ADAM10: variants seen among roughly 807,000 people sequenced by gnomAD.
ADAM10 encodes the protein disintegrin and metalloproteinase domain-containing protein 10.
In ADAM10, 17 loss-of-function variants were observed where a neutral mutation model predicts 90.1. That is an observed-to-expected ratio of 0.19 (90% CI 0.13 to 0.28). ADAM10 has a LOEUF of 0.28. Ranked by LOEUF, ADAM10 falls within the 10% of genes least tolerant of loss-of-function variation. The pLI is 1.00. For missense variants in ADAM10, 610 were observed against 914.3 expected (o/e 0.67, Z 4.29); for synonymous variants, 310 against 298.6 (o/e 1.04, Z -0.40).
chr15:58,730,478 A>C (rs1899199997), intron 1 of ADAM10, among the ~76,000 whole-genome samples: 1 of 151,436 alleles, frequency 6.6e-6, no homozygotes, highest in Admixed American at 6.6e-5. Context: ...TAAGTCACTT[A>C]AACACTTAGT....
intron 2 of ADAM10, among the ~76,000 whole-genome samples, chr15:58,709,636 A>G (rs1403940587): frequency 6.6e-6 from 1 of 152,158 alleles, no homozygotes; most frequent in Non-Finnish European, 1.5e-5. Context: ...GCTACTAGGT[A>G]GGCTGAGGCA....
At chr15:58,720,502 G>A (rs1272360080) in intron 1 of ADAM10, among the ~76,000 whole-genome samples, 1 of 151,456 alleles carries the variant, frequency 6.6e-6, no homozygotes, top group East Asian at 1.9e-4. Context: ...CTGAGTTCAC[G>A]CCATTCTCCC....
At chr15:58,640,728 C>T (rs1896396798) in intron 8 of ADAM10, 49 bp downstream of exon 8, 1 of 1,553,888 alleles carries the variant, frequency 6.4e-7, no homozygotes, top group African/African-American at 1.4e-5. Flanking sequence ...CTGAAAACTC[C>T]CCTTTGTTTC....
intron 6 of ADAM10, among the ~76,000 whole-genome samples, chr15:58,644,234 G>GTTT (rs1213841759): frequency 5.2e-5 from 7 of 133,560 alleles, no homozygotes; most frequent in African/African-American, 1.7e-4. Context: ...TTCTTTTTTT[G>GTTT]TTTTTTTTTT....
chr15:58,634,332 T>C (rs113201437), intron 8 of ADAM10, among the ~76,000 whole-genome samples: 6 of 151,768 alleles, frequency 4.0e-5, no homozygotes, highest in African/African-American at 1.5e-4. Context: ...AATTTCACCA[T>C]ACTATTCTTG....
chr15:58,746,835 G>A (rs1367841168), intron 1 of ADAM10, among the ~76,000 whole-genome samples: 1 of 152,144 alleles, frequency 6.6e-6, no homozygotes, highest in African/African-American at 2.4e-5. Context: ...AAAAGATGAA[G>A]AGTCAGAGAT....
intron 10 of ADAM10, among the ~76,000 whole-genome samples, chr15:58,622,447 C>T (rs992679880): frequency 6.6e-6 from 1 of 152,088 alleles, no homozygotes; most frequent in African/African-American, 2.4e-5. Context: ...TAGATTTCTC[C>T]ATTTTTATTT....
chr15:58,652,446 T>C (rs1176113883), intron 5 of ADAM10, among the ~76,000 whole-genome samples: 1 of 152,224 alleles, frequency 6.6e-6, no homozygotes, highest in East Asian at 1.9e-4. Context: ...TCTAGTTTCA[T>C]TCCTCTGCAT....
chr15:58,712,397 G>A (rs748337164), intron 2 of ADAM10, among the ~76,000 whole-genome samples: 3 of 151,894 alleles, frequency 2.0e-5, no homozygotes, highest in Non-Finnish European at 2.9e-5. Flanking sequence ...GGTGGTGTGT[G>A]CCTGTAGTCC....
rs1425611009 is a variant in ADAM10 at position 58,596,140 on chromosome 15, T to G, written c.*1407A>C. On this transcript the variant is annotated 3_prime_UTR_variant, in exon 16 of 16. Coordinates refer to ENST00000260408, the MANE Select transcript of ADAM10 (RefSeq NM_001110.4). ...AAACATAGAAATCTTTACAACTTTCTCTAAATTTGCCTCCTATGTGAAGTC... is the reference window on the plus strand; with the variant it reads ...AAACATAGAAATCTTTACAACTTTCGCTAAATTTGCCTCCTATGTGAAGTC... The G allele has an allele frequency of 6.6e-6, 1 of 151,854 alleles. No individual in the cohort carries two copies. The highest frequency in any genetic ancestry group is 1.5e-5 in the Non-Finnish European group (1 of 67,928). The allele number at this position is 151,854 out of a possible 1,614,324, so 9.4% of individuals were successfully genotyped here.
At chr15:58,597,892 AC>A (rs1770201397) in intron 15 of ADAM10, among the ~76,000 whole-genome samples, 1 of 152,138 alleles carries the variant, frequency 6.6e-6, no homozygotes, top group South Asian at 2.1e-4. Flanking sequence ...TATAATCAAT[AC>A]AAAAATTACT....
At chr15:58,683,165 A>G (rs183654074) in intron 2 of ADAM10, among the ~76,000 whole-genome samples, 21 of 152,320 alleles carry the variant, frequency 1.4e-4, no homozygotes, top group Admixed American at 1.3e-3. Flanking sequence ...AAATGGCAAC[A>G]AATTAGCTAA....
At chr15:58,605,035 T>G (rs1443125380) in intron 14 of ADAM10, among the ~76,000 whole-genome samples, 1 of 152,232 alleles carries the variant, frequency 6.6e-6, no homozygotes, top group Non-Finnish European at 1.5e-5. Flanking sequence ...CTACTGTACC[T>G]GGCCTATAGA....
At chr15:58,607,138 G>T (rs567170110) in intron 14 of ADAM10, among the ~76,000 whole-genome samples, 1 of 152,284 alleles carries the variant, frequency 6.6e-6, no homozygotes, top group East Asian at 1.9e-4. Context: ...GCTGGATTTG[G>T]CCCATGGGCC....
chr15:58,599,492 G>C lies in ADAM10; in HGVS notation c.2152+106C>G. 3.7e-6 allele frequency: 5 copies of C among 1,339,462 alleles called. No individual in the cohort carries two copies. The South Asian group carries it at 5.9e-5, about 16-fold the overall frequency. The allele number at this position is 1,339,462 out of a possible 1,614,324, so 83.0% of individuals were successfully genotyped here. On this transcript the variant is annotated intron_variant, in intron 15 of 15. Coordinates refer to ENST00000260408, the MANE Select transcript of ADAM10 (RefSeq NM_001110.4). ...TTCATCCAATAATCCCATTCTTACGGAGAAAGTACTGTAACATTAGTTACT... is the reference window on the plus strand; with the variant it reads ...TTCATCCAATAATCCCATTCTTACGCAGAAAGTACTGTAACATTAGTTACT...
intron 2 of ADAM10, chr15:58,693,180 G>A: frequency 2.8e-6 from 2 of 715,652 alleles, no homozygotes; most frequent in Non-Finnish European, 2.6e-6. Context: ...CTTCTCCATG[G>A]TACACCTCTG....
chr15:58,644,533 C>A (rs538375083), intron 6 of ADAM10, among the ~76,000 whole-genome samples: 1 of 152,190 alleles, frequency 6.6e-6, no homozygotes, highest in African/African-American at 2.4e-5. Context: ...CTGGCCTAAA[C>A]ATATACTCTT....
intron 2 of ADAM10, among the ~76,000 whole-genome samples, chr15:58,709,662 C>A (rs1347613710): frequency 2.0e-5 from 3 of 152,090 alleles, no homozygotes; most frequent in Non-Finnish European, 4.4e-5. Context: ...ATTGCGTGAA[C>A]CCAGGTGGCA....
rs546944128 is a variant in ADAM10, at chr15:58,637,052, T to C, written c.1013-3693A>G. Among the ~76,000 whole-genome samples, 48 of 152,352 alleles carry C rather than the reference T, an allele frequency of 3.2e-4. 1 individual carries two copies. In the South Asian group the frequency reaches 8.9e-3, roughly 28 times the overall value. On this transcript the variant is annotated intron_variant, in intron 8 of 15. Coordinates refer to ENST00000260408, the MANE Select transcript of ADAM10 (RefSeq NM_001110.4). ...GTGTCCTATTGCAATATTTCAATGA[T>C]GTAATTTTCCCAGCATTTGAAGTTA...
Sources: allele counts gnomAD v4.1 joint callset (sites outside exome capture counted in the v4.1 genomes callset), GRCh38; gene constraint gnomAD v4.1.1; transcripts MANE v1.5; gene names NCBI Gene and HGNC (gene_info 2026-07-23, HGNC 2026-07-21).